MYO18B: variants seen among roughly 807,000 people sequenced by gnomAD.
MYO18B encodes the protein unconventional myosin-XVIIIb.
MYO18B carries 204 observed loss-of-function variants against 273.0 expected under a neutral mutation model. That is an observed-to-expected ratio of 0.75 (90% CI 0.67 to 0.84). The LOEUF (loss-of-function observed/expected upper bound fraction) is 0.84, where lower values mean the gene tolerates loss of function less well. Ranked by LOEUF, MYO18B falls within the 40% of genes least tolerant of loss-of-function variation. The probability of loss-of-function intolerance (pLI) is 0.00; values close to 1 mark genes in which losing one functional copy is unlikely to be tolerated. For synonymous variants in MYO18B, 1,330 were observed against 1,305.7 expected (o/e 1.02, Z -0.40); for missense variants, 3,212 against 3,287.6 (o/e 0.98, Z 0.56).
chr22:25,887,264 C>T (rs986380467), intron 25 of MYO18B, among the ~76,000 whole-genome samples: 2 of 152,090 alleles, frequency 1.3e-5, no homozygotes, highest in Non-Finnish European at 2.9e-5. Context: ...TTGTTGGATC[C>T]GTGAAGAACA....
In MYO18B at chr22:26,027,256, C is replaced by T; in HGVS notation, c.7282C>T (p.Leu2428Phe). ...AGGCAGTGACCCATTCAGCTGGAAA[C>T]TCCCAAGCCTCGACTACGAACGCAA... is the stretch of plus-strand genomic sequence containing the variant. ...PLGSDPFSWK[L>F]PSLDYERKTK... Residue 2428 changes from leucine (L) to phenylalanine (F), a missense_variant, in exon 43 of 44, where the codon CTC becomes TTC. Transcript: ENST00000335473. This position sits in a 1 kb window ranked among gnomAD's most constrained non-coding sequence, Gnocchi z 4.1. 6.2e-7 allele frequency: 1 copy of T among 1,614,036 alleles called. No homozygotes were observed. Among genetic ancestry groups the T allele is most frequent in the Non-Finnish European group, 8.5e-7 (1 of 1,179,900 alleles).
Position 25,828,910 on chromosome 22 carries a change from G to T in MYO18B, c.2921G>T (p.Arg974Leu), listed in dbSNP as rs373113816. The T allele has an allele frequency of 6.2e-7, 1 of 1,613,974 alleles. No individual in the cohort carries two copies. Among genetic ancestry groups the T allele is most frequent in the Non-Finnish European group, 8.5e-7 (1 of 1,179,898 alleles). ...EELCHNYAHE[R>L]LQLLFYQRTF... ...CTGTGCCACAACTACGCCCATGAGCGCCTGCAGCTGCTGTTCTACCAGCGG... is the reference window on the plus strand; with the variant it reads ...CTGTGCCACAACTACGCCCATGAGCTCCTGCAGCTGCTGTTCTACCAGCGG... Residue 974 changes from arginine to leucine, a missense_variant, in exon 15 of 44, where the codon CGC (arginine) becomes CTC (leucine). Physicochemically the swap from Arg to Leu is moderately radical, Grantham distance 102 (BLOSUM62 -2). Coordinates refer to ENST00000335473, the MANE Select transcript of MYO18B (RefSeq NM_032608.7).
At chr22:25,796,378 A>T (rs2087908991) in intron 11 of MYO18B, among the ~76,000 whole-genome samples, 2 of 152,104 alleles carry the variant, frequency 1.3e-5, no homozygotes, top group Non-Finnish European at 2.9e-5. Context: ...TGAGTCCAGG[A>T]GTTCAAGACT....
At chr22:25,986,735 A>G (rs1050741768) in intron 39 of MYO18B, among the ~76,000 whole-genome samples, 2 of 152,224 alleles carry the variant, frequency 1.3e-5, no homozygotes, top group African/African-American at 2.4e-5. Flanking sequence ...TCGATTTTCA[A>G]GTTGAAGCCA....
intron 12 of MYO18B, among the ~76,000 whole-genome samples, chr22:25,811,553 T>G (rs1367973743): frequency 6.6e-6 from 1 of 152,176 alleles, no homozygotes; most frequent in Non-Finnish European, 1.5e-5. Flanking sequence ...TTAACACATA[T>G]GTGGATTAAG....
chr22:25,816,382 C>T (rs1163835662), intron 12 of MYO18B, among the ~76,000 whole-genome samples: 1 of 152,086 alleles, frequency 6.6e-6, no homozygotes, highest in East Asian at 1.9e-4. Flanking sequence ...TTCTAGGGTA[C>T]AGGTGCCCAA....
chr22:26,055,865 G>A, the MYO18B span, among the ~76,000 whole-genome samples: 1 of 152,196 alleles, frequency 6.6e-6, no homozygotes, highest in East Asian at 1.9e-4. Flanking sequence ...GACTTTAGAT[G>A]TCAAACTGGC....
rs911125141 is a variant in MYO18B at position 25,877,903 on chromosome 22, G to A, written c.4225-56G>A. The A allele has an allele frequency of 4.1e-5, 59 of 1,454,782 alleles. No individual in the cohort carries two copies. The Admixed American group carries it at 1.2e-3, about 29-fold the overall frequency. 90.1% of individuals were successfully genotyped at this position (1,454,782 alleles called of 1,614,324 possible). ...GTGCCGTTTGCTCACTCCTAACACAGGTGGAACTTAATCTCTGGCCTGGAA... is the reference window on the plus strand; with the variant it reads ...GTGCCGTTTGCTCACTCCTAACACAAGTGGAACTTAATCTCTGGCCTGGAA... On this transcript the variant is annotated intron_variant, in intron 24 of 43. Coordinates refer to ENST00000335473, the MANE Select transcript of MYO18B (RefSeq NM_032608.7).
chr22:25,826,088 A>C (rs1384767463), intron 13 of MYO18B, among the ~76,000 whole-genome samples: 1 of 152,198 alleles, frequency 6.6e-6, no homozygotes, highest in Non-Finnish European at 1.5e-5. Context: ...TAGAAGCAAC[A>C]CAGAGCTGGG....
At chr22:25,819,337 A>G (rs974886138) in intron 12 of MYO18B, among the ~76,000 whole-genome samples, 3 of 152,320 alleles carry the variant, frequency 2.0e-5, no homozygotes, top group Admixed American at 1.3e-4. Context: ...GACTTCTCCC[A>G]GCTCGTTGAG....
the MYO18B span, among the ~76,000 whole-genome samples, chr22:26,043,848 A>C: frequency 6.6e-6 from 1 of 151,784 alleles, no homozygotes; most frequent in Non-Finnish European, 1.5e-5. Context: ...GGGTCTTACT[A>C]TGTTGCTCAG....
chr22:25,794,168 G>A (rs1316508156), intron 11 of MYO18B, among the ~76,000 whole-genome samples: 4 of 151,766 alleles, frequency 2.6e-5, no homozygotes, highest in Non-Finnish European at 5.9e-5. Flanking sequence ...TCCTGACCTC[G>A]TGATCCACCC....
intron 43 of MYO18B, among the ~76,000 whole-genome samples, chr22:26,029,451 G>A (rs1396012313): frequency 1.3e-5 from 2 of 152,036 alleles, no homozygotes; most frequent in African/African-American, 4.8e-5. Context: ...CAATTACCGA[G>A]TAAAGATCTG....
chr22:25,874,307 A>G lies in MYO18B; in HGVS notation c.3973A>G (p.Ile1325Val). ...HSQVFLKAGV[I>V]SRLEKQREKL... ...CCAGGTTTTTCTCAAGGCAGGTGTG[A>G]TCTCCAGGCTTGAGAAGCAGCGAGA... Residue 1325 changes from isoleucine (I) to valine (V), a missense_variant, in exon 23 of 44, where the codon ATC becomes GTC. Transcript: ENST00000335473. The G allele has an allele frequency of 6.2e-7, 1 of 1,613,766 alleles. No homozygotes were observed. Among genetic ancestry groups the G allele is most frequent in the Non-Finnish European group, 8.5e-7 (1 of 1,179,822 alleles).
intron 34 of MYO18B, among the ~76,000 whole-genome samples, chr22:25,928,659 A>G (rs1212996011): frequency 6.6e-6 from 1 of 152,100 alleles, no homozygotes; most frequent in Non-Finnish European, 1.5e-5. Context: ...AACCCTCCTG[A>G]TACAATACAG....
rs16980810 is a variant in MYO18B at position 25,823,797 on chromosome 22, C to T, written c.2695+119C>T. 6.7e-3 allele frequency: 7,347 copies of T among 1,095,442 alleles called. 178 individuals are homozygous for T. The highest frequency in any genetic ancestry group is 0.056 in the African/African-American group (3,611 of 63,936). The allele number at this position is 1,095,442 out of a possible 1,614,324, so 67.9% of individuals were successfully genotyped here. ...TTGTTAAGGGCCTATGCTATGAAGG[C>T]GTGTGTTAGATGCAGGGGAAGCCAT... On this transcript the variant is annotated intron_variant, in intron 13 of 43. Coordinates refer to ENST00000335473, the MANE Select transcript of MYO18B (RefSeq NM_032608.7).
chr22:25,908,838 C>A (rs1291729699), intron 32 of MYO18B, among the ~76,000 whole-genome samples: 1 of 152,110 alleles, frequency 6.6e-6, no homozygotes, highest in Non-Finnish European at 1.5e-5. Flanking sequence ...AAGCAATAAC[C>A]CCTTGACATG....
At chr22:25,900,230 A>C (rs1169957270) in intron 29 of MYO18B, 1 of 152,170 alleles carries the variant, frequency 6.6e-6, no homozygotes, top group Non-Finnish European at 1.5e-5. Flanking sequence ...GGCAGAAGCT[A>C]ATTTATGTTT....
At chr22:26,017,949 C>T (rs1190412231) in intron 42 of MYO18B, among the ~76,000 whole-genome samples, 1 of 148,366 alleles carries the variant, frequency 6.7e-6, no homozygotes, top group Non-Finnish European at 1.5e-5. Context: ...CACCACCCAG[C>T]TCCAATTTTA....
Sources: gnomAD v4.1 joint callset for allele counts (sites outside exome capture counted in the v4.1 genomes callset) on GRCh38, gnomAD v4.1.1 for gene constraint, Gnocchi (gnomAD v3.1) non-coding constraint, MANE v1.5 for transcripts, NCBI Gene and HGNC (gene_info 2026-07-23, HGNC 2026-07-21) for gene names.